The following NCOR2 variants were observed in gnomAD, a reference collection of about 807,000 sequenced individuals.
The protein encoded by NCOR2 is CTG repeat protein 26.
A neutral mutation model predicts 262.9 loss-of-function variants in NCOR2; 81 were observed. That is an observed-to-expected ratio of 0.31 (90% confidence interval 0.26 to 0.37). The LOEUF (loss-of-function observed/expected upper bound fraction) is 0.37. Among genes scored for constraint, NCOR2 ranks in the 10% least tolerant of loss-of-function variants. The pLI is 1.00. For synonymous variants in NCOR2, 1,659 were observed against 1,559.3 expected (o/e 1.06, Z -1.51); for missense variants, 3,385 against 3,621.4 (o/e 0.93, Z 1.68).
In NCOR2 at chr12:124,548,668, G is replaced by A. The variant is rs946910416; in HGVS notation, c.-164-13057C>T. 1.1e-4 allele frequency among the ~76,000 whole-genome samples: 17 copies of A among 151,870 alleles called. No homozygotes were observed. The highest frequency in any genetic ancestry group is 3.9e-4 in the Admixed American group (6 of 15,256). On this transcript the variant is annotated intron_variant, in intron 1 of 32. Transcript: ENST00000458234. This position sits in a 1 kb window ranked among gnomAD's most constrained non-coding sequence, Gnocchi z 5.1. ...TTATTTTTTTCTGTGCTGTTAGGGC[G>A]GGGCGGGGGATCTCCATGGCAGGGT... is the stretch of plus-strand genomic sequence containing the variant.
At chr12:124,367,582 C>CCT (rs1438964827) in intron 20 of NCOR2, among the ~76,000 whole-genome samples, 7 of 152,154 alleles carry the variant, frequency 4.6e-5, no homozygotes, top group Admixed American at 1.3e-4. Context: ...CAGAAGCCCT[C>CCT]CTGGCTGGCT....
At chr12:124,340,523 C>G in intron 35 of NCOR2, 79 bp downstream of exon 37, 1 of 1,560,158 alleles carries the variant, frequency 6.4e-7, no homozygotes, top group Non-Finnish European at 8.7e-7. Flanking sequence ...GGAAAGAGAG[C>G]AGGGCTTCTG....
chr12:124,515,743 T>C (rs930867911), intron 1 of NCOR2, among the ~76,000 whole-genome samples: 5 of 117,990 alleles, frequency 4.2e-5, no homozygotes, highest in African/African-American at 1.5e-4. Context: ...CAAGTGTGCG[T>C]GTGAGTATAC....
At chr12:124,386,476 G>A (rs1040785041) in intron 16 of NCOR2, among the ~76,000 whole-genome samples, 2 of 152,240 alleles carry the variant, frequency 1.3e-5, no homozygotes, top group Middle Eastern at 6.8e-3. Context: ...CACCTCCAGG[G>A]CCCAAACTCC....
intron 44 of NCOR2, chr12:124,329,040 G>T: frequency 2.2e-6 from 1 of 462,156 alleles, no homozygotes. Context: ...AAGGCCACGA[G>T]TCCGTGACCT....
intron 1 of NCOR2, among the ~76,000 whole-genome samples, chr12:124,518,682 A>C (rs1403447416): frequency 6.6e-6 from 1 of 152,228 alleles, no homozygotes; most frequent in Non-Finnish European, 1.5e-5. Flanking sequence ...CGCCATGGTA[A>C]CCCTGGCGGG....
chr12:124,449,364 T>G (rs3825138), intron 7 of NCOR2, among the ~76,000 whole-genome samples: 8,230 of 152,254 alleles, frequency 0.054, 486 homozygotes, highest in African/African-American at 0.15. Context: ...CAGAGGGACC[T>G]CTCTGTGCAG....
exon 36 of NCOR2, chr12:124,340,424 T>C (rs2135817545): frequency 6.2e-7 from 1 of 1,612,812 alleles, no homozygotes; most frequent in East Asian, 2.2e-5. Context: ...TGGTTGGTTT[T>C]GTCAAGTGTG....
At chr12:124,330,977 C>A (rs1442029844) in intron 43 of NCOR2, 79 bp from the exon 46 acceptor site, 1 of 1,468,112 alleles carries the variant, frequency 6.8e-7, no homozygotes. Flanking sequence ...GTGGTCCAGG[C>A]CAGGTGTGCT....
At chr12:124,488,360 A>C (rs7135495) in intron 1 of NCOR2, among the ~76,000 whole-genome samples, 1,943 of 152,304 alleles carry the variant, frequency 0.013, 43 homozygotes, top group African/African-American at 0.044. Context: ...CAAAAGCTGC[A>C]AGGCCTCCAA....
chr12:124,366,191 G>A (rs1458775248), intron 20 of NCOR2, among the ~76,000 whole-genome samples: 3 of 152,150 alleles, frequency 2.0e-5, no homozygotes, highest in South Asian at 2.1e-4. Context: ...GAGACAACCC[G>A]ACATCCACCA....
rs2038294076 is a variant in NCOR2, at chr12:124,359,220, A to G, written c.3101-2438T>C. On this transcript the variant is annotated intron_variant, in intron 22 of 46. Coordinates refer to ENST00000405201, the Ensembl canonical transcript of NCOR2. ...CCTATGGAGAGATAACCGGCCAAGA[A>G]GTTGAGCAGAGACACAACTTGGGAA... is the stretch of plus-strand genomic sequence containing the variant. Among the ~76,000 whole-genome samples the G allele has an allele frequency of 3.3e-5, 5 of 152,356 alleles. No individual in the cohort carries two copies. The South Asian group carries it at 1.0e-3, about 32-fold the overall frequency.
At chr12:124,495,550 T>C (rs777092636), upstream of NCOR2, among the ~76,000 whole-genome samples, 16 of 152,034 alleles carry the variant, frequency 1.1e-4, no homozygotes, top group Non-Finnish European at 1.8e-4. The surrounding 1 kb of genome is among the most constrained non-coding windows in gnomAD (Gnocchi z 4.4). Context: ...GAGACAGGCA[T>C]GGCATTCAAG....
intron 1 of NCOR2, among the ~76,000 whole-genome samples, chr12:124,546,199 G>T (rs776947442): frequency 6.6e-6 from 1 of 152,162 alleles, no homozygotes; most frequent in African/African-American, 2.4e-5. Flanking sequence ...TTTCCTCGCC[G>T]TAAAATAGAA....
intron 16 of NCOR2, among the ~76,000 whole-genome samples, chr12:124,386,386 G>A (rs1374577871): frequency 6.6e-6 from 1 of 152,074 alleles, no homozygotes; most frequent in South Asian, 2.1e-4. Flanking sequence ...GAAGGGACGT[G>A]GTGAGCAGGG....
At position 124,340,612 on chromosome 12, in the gene NCOR2, TG is replaced by T; in HGVS notation, c.5327del (p.Pro1776HisfsTer10). ...GGGCAGTGGCGCTACCTGGGGAGAG[TG>T]GGGAGCTGCTGTGGCGGCTGCTGAA... On this transcript the variant is annotated frameshift_variant, in exon 35 of 47. Coordinates refer to ENST00000405201, the Ensembl canonical transcript of NCOR2. LOFTEE classifies it high-confidence loss of function. 6.7e-7 allele frequency: 1 copy of T among 1,495,190 alleles called. No homozygotes were observed. 92.6% of individuals were successfully genotyped at this position (1,495,190 alleles called of 1,614,324 possible).
At chr12:124,554,855 C>T (rs1406013766) in intron 1 of NCOR2, among the ~76,000 whole-genome samples, 2 of 152,270 alleles carry the variant, frequency 1.3e-5, no homozygotes, top group Non-Finnish European at 2.9e-5. Flanking sequence ...GGGTCAGCTT[C>T]CTGCACAGCA....
intron 39 of NCOR2, 24 bp downstream of exon 41, chr12:124,335,459 G>C (rs568933208): frequency 6.3e-7 from 1 of 1,595,866 alleles, no homozygotes; most frequent in East Asian, 2.2e-5. Context: ...GGCTTCGGGG[G>C]CCTGGGTACT....
At position 124,429,026 on chromosome 12, in the gene NCOR2, G is replaced by A. The variant is rs536387273; in HGVS notation, c.1149+587C>T. Among the ~76,000 whole-genome samples the A allele has an allele frequency of 3.3e-5, 5 of 152,320 alleles. No homozygotes were observed. The South Asian group carries it at 1.0e-3, about 32-fold the overall frequency. On this transcript the variant is annotated intron_variant, in intron 10 of 46. Coordinates refer to ENST00000405201, the Ensembl canonical transcript of NCOR2. ...TGTGGGCCCCAGTGACGGCAGCCAG[G>A]GTCACCTAGGCTGACCCCAGGGTGT... is the stretch of plus-strand genomic sequence containing the variant.
Sources: allele counts gnomAD v4.1 joint callset (sites outside exome capture counted in the v4.1 genomes callset), GRCh38; gene constraint gnomAD v4.1.1; non-coding constraint Gnocchi (gnomAD v3.1); transcripts MANE v1.5; gene names NCBI Gene and HGNC (gene_info 2026-07-23, HGNC 2026-07-21).